PCLO: variants seen among roughly 807,000 people sequenced by gnomAD.
PCLO encodes the protein protein piccolo.
A neutral mutation model predicts 427.5 loss-of-function variants in PCLO; 82 were observed. The observed-to-expected ratio is 0.19, with a 90% CI of 0.16 to 0.23. The LOEUF is 0.23. Ranked by LOEUF, PCLO falls within the 10% of genes least tolerant of loss-of-function variation. PCLO has a pLI of 1.00. For missense variants in PCLO, 6,239 were observed against 6,115.9 expected (o/e 1.02, Z -0.67); for synonymous variants, 2,357 against 2,155.4 (o/e 1.09, Z -2.59).
In PCLO at chr7:82,949,559, G is replaced by A. The variant is rs767911719; in HGVS notation, c.11029C>T (p.Arg3677Cys). The A allele has an allele frequency of 6.8e-6, 11 of 1,613,838 alleles. No homozygotes were observed. The highest frequency in any genetic ancestry group is 2.2e-5 in the East Asian group (1 of 44,864). ...ASPKTAKMMQ[R>C]SMSDPKPLSP... ...AGAGGCTTGGGGTCAGACATAGAAC[G>A]CTGCATCATCTTGGCTGTCTTAGGA... is the stretch of plus-strand genomic sequence containing the variant. Residue 3677 changes from arginine (R) to cysteine (C), a missense_variant, in exon 6 of 25, where the codon CGT becomes TGT. Around this residue, in one of 5 missense-constraint regions of PCLO, gnomAD observed 4,677 missense variants for 4,468.4 expected, o/e 1.05. Coordinates refer to ENST00000333891, the MANE Select transcript of PCLO (RefSeq NM_033026.6).
At chr7:82,984,965 T>C (rs1796226878) in intron 3 of PCLO, among the ~76,000 whole-genome samples, 1 of 152,016 alleles carries the variant, frequency 6.6e-6, no homozygotes, top group Non-Finnish European at 1.5e-5. Context: ...AAATAGTTTC[T>C]ACTGATAAAA....
Position 82,955,594 on chromosome 7 carries a change from TTAA to T in PCLO, c.5356_5358del (p.Leu1786del). On this transcript the variant is annotated inframe_deletion, in exon 5 of 25. Coordinates refer to ENST00000333891, the MANE Select transcript of PCLO (RefSeq NM_033026.6). Reference sequence around the variant, plus strand: ...ATTTCCCTCTGCTTTTCTTGCTCCTTTAATAATTCTTCTTCCTCTCTCAATTCT... The same window carrying T: ...ATTTCCCTCTGCTTTTCTTGCTCCTTTAATTCTTCTTCCTCTCTCAATTCT... 15 of 1,613,972 alleles carry T rather than the reference TTAA, an allele frequency of 9.3e-6. No homozygotes were observed. The highest frequency in any genetic ancestry group is 1.3e-5 in the African/African-American group (1 of 75,034).
chr7:83,081,896 A>G (rs1035109770), intron 3 of PCLO, among the ~76,000 whole-genome samples: 3 of 151,770 alleles, frequency 2.0e-5, no homozygotes, highest in East Asian at 1.9e-4. Context: ...TTCCTATTAA[A>G]TATTTGATGA....
intron 20 of PCLO, 24 bp from the exon 21 acceptor site, chr7:82,805,853 C>T: frequency 6.3e-7 from 1 of 1,582,030 alleles, no homozygotes; most frequent in Non-Finnish European, 8.6e-7. Flanking sequence ...GAAGATTCAA[C>T]ACCACAGTCA....
chr7:82,781,161 A>G (rs1189386601), intron 22 of PCLO, among the ~76,000 whole-genome samples: 1 of 151,680 alleles, frequency 6.6e-6, no homozygotes, highest in Non-Finnish European at 1.5e-5. Context: ...CATTTACCCA[A>G]ATTAATTTAT....
intron 1 of PCLO, among the ~76,000 whole-genome samples, chr7:83,158,684 A>ATTT (rs1417790405): frequency 6.6e-6 from 1 of 152,028 alleles, no homozygotes; most frequent in African/African-American, 2.4e-5. Context: ...CAGAAACAGA[A>ATTT]TTGAAAGCAA....
intron 9 of PCLO, among the ~76,000 whole-genome samples, chr7:82,885,505 T>C (rs1000956093): frequency 6.6e-6 from 1 of 152,138 alleles, no homozygotes; most frequent in Non-Finnish European, 1.5e-5. Context: ...ATATGTGTTG[T>C]TTTAACTCAT....
At chr7:82,858,239 A>C (rs2115892489) in intron 10 of PCLO, among the ~76,000 whole-genome samples, 1 of 152,320 alleles carries the variant, frequency 6.6e-6, no homozygotes, top group South Asian at 2.1e-4. Context: ...CAATAAATGT[A>C]GAAAAAGCAT....
chr7:83,111,795 A>C (rs1048336829), intron 3 of PCLO, among the ~76,000 whole-genome samples: 1 of 152,188 alleles, frequency 6.6e-6, no homozygotes, highest in African/African-American at 2.4e-5. Flanking sequence ...AGCAATATAA[A>C]ATTAACATTG....
chr7:82,958,325 T>TCCTTCTTCCTTCCTTCCTC (rs1484269535), intron 4 of PCLO, among the ~76,000 whole-genome samples: 5 of 151,188 alleles, frequency 3.3e-5, no homozygotes, highest in African/African-American at 1.2e-4. Flanking sequence ...CATCCTTCCT[T>TCCTTCTTCCTTCCTTCCTC]CCTTCTTCCT....
chr7:82,949,779 G>A lies in PCLO; in HGVS notation c.10809C>T (p.His3603=), dbSNP rs1264019509. 1 of 1,613,846 alleles carries A rather than the reference G, an allele frequency of 6.2e-7. No homozygotes were observed. The change falls in exon 6 of 25, where the codon CAC becomes CAT. Residue 3603 remains histidine (H), a synonymous_variant. Coordinates refer to ENST00000333891, the MANE Select transcript of PCLO (RefSeq NM_033026.6). ...PTPLEIGYSS[H]LRADSTVQLA... is the part of the protein sequence containing the mutation. ...GCTGTACTGTGGAATCTGCCCGGAG[G>A]TGAGATGAATAACCAATCTCTAAAG...
intron 9 of PCLO, among the ~76,000 whole-genome samples, chr7:82,889,055 G>A (rs957402374): frequency 1.3e-5 from 2 of 151,646 alleles, no homozygotes; most frequent in Non-Finnish European, 2.9e-5. Context: ...CCAGTCTGAG[G>A]AACTATTCAG....
chr7:82,809,003 A>G (rs1430363258), intron 20 of PCLO, among the ~76,000 whole-genome samples: 2 of 151,980 alleles, frequency 1.3e-5, no homozygotes, highest in Non-Finnish European at 2.9e-5. Flanking sequence ...GTATTTTAAT[A>G]TATCTTTTCC....
chr7:83,129,291 T>A (rs1013522991), intron 3 of PCLO, among the ~76,000 whole-genome samples: 5 of 152,190 alleles, frequency 3.3e-5, no homozygotes, highest in Admixed American at 2.0e-4. Context: ...ATAATTTTTT[T>A]AAGCAGTAAT....
At chr7:82,998,419 AACAACAACAACAACAACT>A (rs918736102) in intron 3 of PCLO, among the ~76,000 whole-genome samples, 18 of 75,544 alleles carry the variant, frequency 2.4e-4, no homozygotes, top group African/African-American at 1.2e-3. Flanking sequence ...CAACAACAAC[AACAACAACAACAACAACT>A]ATTAATCCAG....
intron 10 of PCLO, among the ~76,000 whole-genome samples, chr7:82,860,224 G>A (rs778949244): frequency 2.6e-5 from 4 of 151,852 alleles, no homozygotes; most frequent in African/African-American, 4.8e-5. Flanking sequence ...GAACAAGAAG[G>A]TTTTAGAGGG....
At chr7:82,957,743 T>C (rs899459242) in intron 4 of PCLO, among the ~76,000 whole-genome samples, 1 of 152,230 alleles carries the variant, frequency 6.6e-6, no homozygotes, top group African/African-American at 2.4e-5. Context: ...GGTGTTTCAC[T>C]AATGTCACTT....
intron 6 of PCLO, among the ~76,000 whole-genome samples, chr7:82,935,854 A>G (rs372233325): frequency 6.6e-6 from 1 of 151,844 alleles, no homozygotes; most frequent in East Asian, 1.9e-4. Flanking sequence ...TTAAGCTGGC[A>G]AAAACTGACA....
chr7:82,952,606 A>G lies in PCLO; in HGVS notation c.8347T>C (p.Ser2783Pro), dbSNP rs201921094. The G allele has an allele frequency of 2.1e-5, 34 of 1,613,762 alleles. No homozygotes were observed. The highest frequency in any genetic ancestry group is 1.7e-6 in the Non-Finnish European group (2 of 1,179,812). Residue 2783 changes from serine to proline, a missense_variant, in exon 5 of 25, where the codon TCA (serine) becomes CCA (proline). By Grantham distance (74) the Ser-to-Pro change is moderately conservative. Coordinates refer to ENST00000333891, the MANE Select transcript of PCLO (RefSeq NM_033026.6). The stretch of plus-strand genomic sequence containing the variant: ...GCCAGAGATACAGGAGTCACTATTG[A>G]TGATGTCACACTAAGATTTATAATA... ...PSIINLSVTS[S>P]IVTPVSLATE...
Sources: gnomAD v4.1 joint callset for allele counts (sites outside exome capture counted in the v4.1 genomes callset) on GRCh38, gnomAD v4.1.1 for gene constraint, gnomAD v4.1.1 regional missense constraint, MANE v1.5 for transcripts, NCBI Gene and HGNC (gene_info 2026-07-23, HGNC 2026-07-21) for gene names.